Variants in USP46 observed in about 807,000 individuals in gnomAD.
USP46 encodes ubiquitin carboxyl-terminal hydrolase 46.
A neutral mutation model predicts 44.4 loss-of-function variants in USP46; 12 were observed. The ratio of observed to expected loss-of-function variants is 0.27; its 90% CI spans 0.17 to 0.44. USP46 has a LOEUF of 0.44. USP46 is among the 20% of genes least tolerant of loss of function. The pLI is 1.00. For missense variants in USP46, 248 were observed against 444.8 expected, an observed-to-expected ratio of 0.56 and a Z score of 3.98; for synonymous variants, 155 against 161.5, an observed-to-expected ratio of 0.96 and a Z score of 0.31.
intron 4 of USP46, among the ~76,000 whole-genome samples, chr4:52,622,536 G>A (rs1465701634): frequency 6.6e-6 from 1 of 151,952 alleles, no homozygotes; most frequent in Non-Finnish European, 1.5e-5. Flanking sequence ...ATTATTATAT[G>A]TCAAATACTC....
At chr4:52,602,625 A>G (rs1362820662) in intron 6 of USP46, among the ~76,000 whole-genome samples, 1 of 152,144 alleles carries the variant, frequency 6.6e-6, no homozygotes, top group Non-Finnish European at 1.5e-5. Flanking sequence ...TTCCTTATTT[A>G]TAAAATGCAG....
intron 1 of USP46, among the ~76,000 whole-genome samples, chr4:52,631,937 T>G (rs1349124371): frequency 1.3e-5 from 2 of 151,424 alleles, no homozygotes; most frequent in African/African-American, 2.4e-5. Flanking sequence ...ACCTGGGGGC[T>G]GGAGGTTGCA....
At chr4:52,623,028 A>T (rs1471389201) in intron 4 of USP46, among the ~76,000 whole-genome samples, 1 of 152,194 alleles carries the variant, frequency 6.6e-6, no homozygotes, top group Non-Finnish European at 1.5e-5. Context: ...AACATGGAGG[A>T]AGGCCAGAGG....
At chr4:52,656,768 T>C (rs939684954) in intron 1 of USP46, among the ~76,000 whole-genome samples, 4 of 151,708 alleles carry the variant, frequency 2.6e-5, no homozygotes, top group Admixed American at 6.6e-5. Flanking sequence ...CTGCCGGGTA[T>C]GGTGGCTCAC....
intron 1 of USP46, among the ~76,000 whole-genome samples, chr4:52,649,913 C>CA (rs1718691105): frequency 6.6e-6 from 1 of 152,198 alleles, no homozygotes; most frequent in African/African-American, 2.4e-5. Flanking sequence ...CACACATACA[C>CA]ACGCAGGTGC....
chr4:52,610,662 G>A (rs755527987), intron 4 of USP46, 45 bp from the exon 5 acceptor site: 4 of 1,581,852 alleles, frequency 2.5e-6, no homozygotes, highest in Non-Finnish European at 3.5e-6. Context: ...GAAATATGTA[G>A]TAGATAAAAC....
At chr4:52,656,154 T>C (rs1483715458) in intron 1 of USP46, 5 of 750,120 alleles carry the variant, frequency 6.7e-6, no homozygotes, top group East Asian at 2.7e-5. Context: ...TGTTAAACGA[T>C]GTGCTTAAGA....
At chr4:52,631,933 G>C (rs928393669) in intron 1 of USP46, among the ~76,000 whole-genome samples, 1 of 151,966 alleles carries the variant, frequency 6.6e-6, no homozygotes, top group South Asian at 2.1e-4. Context: ...TTGAACCTGG[G>C]GGCTGGAGGT....
intron 4 of USP46, among the ~76,000 whole-genome samples, chr4:52,619,310 A>G (rs1717289029): frequency 6.6e-6 from 1 of 152,126 alleles, no homozygotes; most frequent in Non-Finnish European, 1.5e-5. Flanking sequence ...GAAAAAAAAA[A>G]AAAAGAAAAA....
At chr4:52,607,953 T>A (rs766140267) in intron 5 of USP46, among the ~76,000 whole-genome samples, 1 of 152,228 alleles carries the variant, frequency 6.6e-6, no homozygotes, top group Non-Finnish European at 1.5e-5. Flanking sequence ...TATTTATTTA[T>A]AGCAATGTGG....
chr4:52,626,693 C>T (rs1458735740), intron 3 of USP46, among the ~76,000 whole-genome samples: 4 of 152,148 alleles, frequency 2.6e-5, no homozygotes, highest in African/African-American at 7.2e-5. Flanking sequence ...TACCAGGCAG[C>T]TTCAATGAGT....
chr4:52,657,709 C>G (rs1046857063), intron 1 of USP46, among the ~76,000 whole-genome samples: 1 of 152,192 alleles, frequency 6.6e-6, no homozygotes, highest in African/African-American at 2.4e-5. Flanking sequence ...AAAGAGAAAA[C>G]AGAAAGGCTC....
At chr4:52,644,485 T>C (rs1718462954) in intron 1 of USP46, among the ~76,000 whole-genome samples, 1 of 152,106 alleles carries the variant, frequency 6.6e-6, no homozygotes, top group African/African-American at 2.4e-5. Flanking sequence ...CATTACCACC[T>C]GAGCTCTACC....
chr4:52,654,275 T>C (rs535276408), intron 1 of USP46, among the ~76,000 whole-genome samples: 2 of 152,210 alleles, frequency 1.3e-5, no homozygotes, highest in Non-Finnish European at 2.9e-5. Flanking sequence ...ATATATTAAC[T>C]AAACTTATAA....
intron 1 of USP46, among the ~76,000 whole-genome samples, chr4:52,643,113 A>G (rs1004188456): frequency 3.3e-5 from 5 of 152,170 alleles, no homozygotes; most frequent in African/African-American, 1.2e-4. Flanking sequence ...GCTGCAGAAT[A>G]TCTGTTATGC....
chr4:52,629,398 C>A (rs571792528), intron 2 of USP46, among the ~76,000 whole-genome samples: 9 of 152,234 alleles, frequency 5.9e-5, no homozygotes, highest in Admixed American at 2.0e-4. Context: ...TAGGAAATGG[C>A]CTTAATTCTT....
intron 5 of USP46, among the ~76,000 whole-genome samples, chr4:52,609,811 G>C (rs987195796): frequency 6.5e-5 from 9 of 138,924 alleles, no homozygotes; most frequent in Non-Finnish European, 9.1e-5. Context: ...AGTGCCTCTA[G>C]CCTGCCTTCA....
rs1253179706 is a variant in USP46 at position 52,628,012 on chromosome 4, T to C, written c.269A>G (p.Gln90Arg). 7 of 1,613,930 alleles carry C rather than the reference T, an allele frequency of 4.3e-6. No individual in the cohort carries two copies. Among genetic ancestry groups the C allele is most frequent in the Non-Finnish European group, 5.9e-6 (7 of 1,179,858 alleles). The change falls in exon 3 of 9, where the codon CAG becomes CGG. Residue 90 changes from glutamine (Q) to arginine (R), a missense_variant. This residue lies in a region of USP46 where 54 missense variants were observed against 135.0 expected (regional missense o/e 0.40). Transcript: ENST00000441222. ...TGGGATGACGCCAACCTTCTTCTTC[T>C]GTGTGGCAATGCTGTGGAAAAGGTC... Reference protein sequence around the residue: ...LADLFHSIATQKKKVGVIPPK... With the variant: ...LADLFHSIATRKKKVGVIPPK...
intron 1 of USP46, among the ~76,000 whole-genome samples, chr4:52,644,893 T>C (rs1019324394): frequency 1.3e-5 from 2 of 151,952 alleles, no homozygotes; most frequent in African/African-American, 2.4e-5. Context: ...CCGTCTCTAC[T>C]AAAAATACAA....
Sources: gnomAD v4.1 joint callset for allele counts (sites outside exome capture counted in the v4.1 genomes callset) on GRCh38, gnomAD v4.1.1 for gene constraint, gnomAD v4.1.1 regional missense constraint, MANE v1.5 for transcripts, NCBI Gene and HGNC (gene_info 2026-07-23, HGNC 2026-07-21) for gene names.